NMI: variants seen among roughly 807,000 people sequenced by gnomAD.
The protein encoded by NMI is N-myc and STAT interactor.
Under a neutral mutation model 34.3 loss-of-function variants are expected in NMI, and 39 were observed. That is an observed-to-expected ratio of 1.14 (90% CI 0.88 to 1.49). The LOEUF (loss-of-function observed/expected upper bound fraction) is 1.49, where lower values mean the gene tolerates loss of function less well. NMI is among the 40% of genes most tolerant of loss of function. The probability of loss-of-function intolerance (pLI) is 0.00; values close to 1 mark genes in which losing one functional copy is unlikely to be tolerated. For synonymous variants in NMI, 113 were observed against 120.3 expected (o/e 0.94, Z 0.40); for missense variants, 339 against 358.1 (o/e 0.95, Z 0.43).
In NMI at chr2:151,289,639, C is replaced by G. The variant is rs1034293961; in HGVS notation, c.-53G>C. The G allele has an allele frequency of 6.6e-6, 1 of 152,308 alleles. No homozygotes were observed. Among genetic ancestry groups the G allele is most frequent in the Non-Finnish European group, 1.5e-5 (1 of 68,108 alleles). 9.4% of individuals were successfully genotyped at this position (152,308 alleles called of 1,614,324 possible). A position where few individuals can be genotyped will look rare whatever the true frequency, so the allele number is the denominator to read the frequency against. On this transcript the variant is annotated 5_prime_UTR_variant, in exon 1 of 8. Transcript: ENST00000243346. The stretch of plus-strand genomic sequence containing the variant: ...AGCTCCCCAAGGCCCAGCGCGCCTG[C>G]CCTTCCCGGAAAACAGCAGCGCCTG...
chr2:151,270,865 C>T lies in NMI; in HGVS notation c.752G>A (p.Gly251Glu). ...IHLKKYQIFSGTSKRTVLLTG... is the reference protein window; with the variant it reads ...IHLKKYQIFSETSKRTVLLTG... ...CAGAAGCACTGTCCTCTTAGATGTT[C>T]CTGAAAATATCTAAGAAGGAAAAAA... The change falls in exon 8 of 8, where the codon GGA (glycine) becomes GAA (glutamate). Residue 251 changes from glycine (G) to glutamate (E), a missense_variant. By Grantham distance (98) the Gly-to-Glu change is moderately conservative. Coordinates refer to ENST00000243346, the MANE Select transcript of NMI (RefSeq NM_004688.3). 1 of 1,608,540 alleles carries T rather than the reference C, an allele frequency of 6.2e-7. No homozygotes were observed. Among genetic ancestry groups the T allele is most frequent in the Non-Finnish European group, 8.5e-7 (1 of 1,177,248 alleles).
At chr2:151,283,720 C>G (rs974299837) in intron 1 of NMI, among the ~76,000 whole-genome samples, 1 of 152,154 alleles carries the variant, frequency 6.6e-6, no homozygotes, top group African/African-American at 2.4e-5. Flanking sequence ...GTGTTCTTAC[C>G]TGAAGCTTTC....
At position 151,281,856 on chromosome 2, in the gene NMI, G is replaced by T. The variant is rs1283559370; in HGVS notation, c.177+92C>A. The T allele has an allele frequency of 4.2e-6, 3 of 715,712 alleles. No individual in the cohort carries two copies. The African/African-American group carries it at 5.4e-5, about 13-fold the overall frequency. The allele number at this position is 715,712 out of a possible 1,614,324, so 44.3% of individuals were successfully genotyped here. On this transcript the variant is annotated intron_variant, in intron 3 of 7. Coordinates refer to ENST00000243346, the MANE Select transcript of NMI (RefSeq NM_004688.3). The stretch of plus-strand genomic sequence containing the variant: ...TGGTGGTGCCATGGATGATGATAAG[G>T]TTTTAAAAATGAATTTTGTGTAATT...
At chr2:151,282,082 C>T (rs763420600) in intron 2 of NMI, 39 bp from the exon 3 acceptor site, 1 of 892,082 alleles carries the variant, frequency 1.1e-6, no homozygotes, top group Admixed American at 2.3e-5. Context: ...AGTAAATAGC[C>T]CCTGAACTCA....
At position 151,271,799 on chromosome 2, in the gene NMI, CT is replaced by C. The variant is rs369723703; in HGVS notation, c.635-68del. 1,039 of 785,568 alleles carry C rather than the reference CT, an allele frequency of 1.3e-3. 4 individuals carry two copies. The highest frequency in any genetic ancestry group is 1.9e-3 in the Non-Finnish European group (877 of 460,378). The allele number at this position is 785,568 out of a possible 1,614,324, so 48.7% of individuals were successfully genotyped here. A position where few individuals can be genotyped will look rare whatever the true frequency, so the allele number is the denominator to read the frequency against. ...TAAGCATTTTTAACCAAAGTTAAAA[CT>C]TCCTTCAAAGAGAACACTATTACAG... On this transcript the variant is annotated intron_variant, in intron 6 of 7. Coordinates refer to ENST00000243346, the MANE Select transcript of NMI (RefSeq NM_004688.3).
chr2:151,274,160 T>C (rs1408510454), intron 6 of NMI, among the ~76,000 whole-genome samples: 1 of 151,394 alleles, frequency 6.6e-6, no homozygotes, highest in Non-Finnish European at 1.5e-5. Context: ...CTGACCAACA[T>C]GGTGAAACCC....
intron 3 of NMI, among the ~76,000 whole-genome samples, chr2:151,281,459 T>G (rs1422611732): frequency 6.6e-6 from 1 of 152,202 alleles, no homozygotes; most frequent in Non-Finnish European, 1.5e-5. Flanking sequence ...CATGTATCAT[T>G]AAGTACAGCA....
In NMI at chr2:151,275,544, C is replaced by G; in HGVS notation, c.574G>C (p.Asp192His). 1 of 1,614,172 alleles carries G rather than the reference C, an allele frequency of 6.2e-7. No individual in the cohort carries two copies. Among genetic ancestry groups the G allele is most frequent in the Non-Finnish European group, 8.5e-7 (1 of 1,180,040 alleles). The part of the protein sequence containing the change: ...SKSRNGGGEV[D>H]RVDYDRQSGS... ...GACTGTCTGTCATAGTCCACGCGGT[C>G]CACCTCTCCGCCTCCATTTCGGGAC... The change falls in exon 6 of 8, where the codon GAC (aspartate) becomes CAC (histidine). Residue 192 changes from aspartate to histidine, a missense_variant. Physicochemically the swap from Asp to His is moderately conservative, Grantham distance 81. Coordinates refer to ENST00000243346, the MANE Select transcript of NMI (RefSeq NM_004688.3).
At chr2:151,282,689 T>C (rs987511896) in intron 2 of NMI, 179 bp downstream of exon 2, 4 of 398,788 alleles carry the variant, frequency 1.0e-5, no homozygotes, top group Non-Finnish European at 1.8e-5. Context: ...AGAGAAAGAA[T>C]AAAAATATGA....
chr2:151,274,846 C>T (rs999128824), intron 6 of NMI, among the ~76,000 whole-genome samples: 5 of 151,784 alleles, frequency 3.3e-5, no homozygotes, highest in Non-Finnish European at 7.4e-5. Context: ...GCATGTATTA[C>T]TTTGTCATGA....
chr2:151,274,079 A>G (rs1027467457), intron 6 of NMI, among the ~76,000 whole-genome samples: 2 of 151,864 alleles, frequency 1.3e-5, no homozygotes, highest in Non-Finnish European at 2.9e-5. Flanking sequence ...GCGGCGGCTC[A>G]TGCTTGTAAT....
intron 3 of NMI, among the ~76,000 whole-genome samples, chr2:151,281,055 G>A (rs1683392603): frequency 6.6e-6 from 1 of 151,930 alleles, no homozygotes; most frequent in South Asian, 2.1e-4. Context: ...AGCCAGGCTG[G>A]TCGTGAATTC....
chr2:151,275,833 A>G lies in NMI; in HGVS notation c.372T>C (p.His124=). The G allele has an allele frequency of 6.2e-7, 1 of 1,607,924 alleles. No individual in the cohort carries two copies. Among genetic ancestry groups the G allele is most frequent in the East Asian group, 2.2e-5 (1 of 44,830 alleles). ...VAQNVVSMSK[H]HVQIKDVNLE... ...GATTTACATCTTTTATCTGTACATG[A>G]TGTTTACTCATGCTTACCACATTTT... Residue 124 remains histidine (H), a synonymous_variant, in exon 5 of 8, where the codon CAT becomes CAC. Coordinates refer to ENST00000243346, the MANE Select transcript of NMI (RefSeq NM_004688.3).
rs935763994 is a variant in NMI at position 151,289,645 on chromosome 2, C to T, written c.-59G>A. The stretch of plus-strand genomic sequence containing the variant: ...CCAAGGCCCAGCGCGCCTGCCCTTC[C>T]CGGAAAACAGCAGCGCCTGAAACGC... On this transcript the variant is annotated 5_prime_UTR_variant, in exon 1 of 8. Coordinates refer to ENST00000243346, the MANE Select transcript of NMI (RefSeq NM_004688.3). The T allele has an allele frequency of 1.3e-5, 2 of 152,286 alleles. No individual in the cohort carries two copies. The highest frequency in any genetic ancestry group is 4.8e-5 in the African/African-American group (2 of 41,460). The allele number at this position is 152,286 out of a possible 1,614,324, so 9.4% of individuals were successfully genotyped here.
chr2:151,272,879 A>G (rs1186540379), intron 6 of NMI, among the ~76,000 whole-genome samples: 1 of 152,188 alleles, frequency 6.6e-6, no homozygotes, highest in African/African-American at 2.4e-5. Context: ...GGTACCTAGA[A>G]TAGGCAAATT....
chr2:151,283,302 C>T (rs1425394597), intron 1 of NMI, among the ~76,000 whole-genome samples: 7 of 151,904 alleles, frequency 4.6e-5, no homozygotes, highest in South Asian at 2.1e-4. Flanking sequence ...CCACCATGCC[C>T]GGCTAATTTT....
At chr2:151,284,122 C>T (rs1683452789) in intron 1 of NMI, among the ~76,000 whole-genome samples, 1 of 152,004 alleles carries the variant, frequency 6.6e-6, no homozygotes, top group Admixed American at 6.6e-5. Context: ...CTTTGGGAGG[C>T]CAAGGCGGGT....
chr2:151,287,551 C>T (rs1683526473), intron 1 of NMI, among the ~76,000 whole-genome samples: 2 of 152,102 alleles, frequency 1.3e-5, no homozygotes, highest in Non-Finnish European at 2.9e-5. Flanking sequence ...ATCCTTCCTC[C>T]TCTCCCAAAC....
intron 3 of NMI, among the ~76,000 whole-genome samples, chr2:151,281,581 A>C (rs1053326950): frequency 6.6e-6 from 1 of 152,176 alleles, no homozygotes; most frequent in African/African-American, 2.4e-5. Context: ...CCTGCTTCCA[A>C]AATAACCACT....
Sources: allele counts gnomAD v4.1 joint callset (sites outside exome capture counted in the v4.1 genomes callset), GRCh38; gene constraint gnomAD v4.1.1; transcripts MANE v1.5; gene names NCBI Gene and HGNC (gene_info 2026-07-23, HGNC 2026-07-21).